Variants in ODAD2 observed in about 807,000 individuals in gnomAD.
ODAD2 encodes the protein outer dynein arm-docking complex subunit 2.
ODAD2 carries 89 observed loss-of-function variants against 106.8 expected under a neutral mutation model. The observed-to-expected ratio is 0.83, with a 90% CI of 0.70 to 0.99. ODAD2 has a LOEUF of 0.99. Among genes scored for constraint, ODAD2 ranks in the 50% least tolerant of loss-of-function variants. ODAD2 has a pLI of 0.00. For missense variants in ODAD2, 1,168 were observed against 1,238.5 expected, an observed-to-expected ratio of 0.94 and a Z score of 0.85; for synonymous variants, 404 against 436.2, an observed-to-expected ratio of 0.93 and a Z score of 0.92.
intron 17 of ODAD2, among the ~76,000 whole-genome samples, chr10:27,881,840 T>C (rs1841729602): frequency 6.6e-6 from 1 of 152,096 alleles, no homozygotes; most frequent in Non-Finnish European, 1.5e-5. Flanking sequence ...TCAGCCCTGG[T>C]TTCACATTAT....
At chr10:27,872,553 T>A (rs1021731928) in intron 17 of ODAD2, among the ~76,000 whole-genome samples, 1 of 152,060 alleles carries the variant, frequency 6.6e-6, no homozygotes, top group Non-Finnish European at 1.5e-5. Flanking sequence ...TTATTGAGAG[T>A]TTTTAGCATG....
intron 9 of ODAD2, among the ~76,000 whole-genome samples, chr10:27,962,873 C>T (rs1848231787): frequency 6.6e-6 from 1 of 152,092 alleles, no homozygotes; most frequent in African/African-American, 2.4e-5. Context: ...GTGCTGAACC[C>T]AGGATATTTA....
intron 16 of ODAD2, among the ~76,000 whole-genome samples, chr10:27,918,370 A>G (rs561238097): frequency 6.6e-6 from 1 of 152,086 alleles, no homozygotes; most frequent in South Asian, 2.1e-4. Context: ...CATCCTTCCA[A>G]AACAAATCAT....
In ODAD2 at chr10:27,987,816, C is replaced by CA. The variant is rs1314856150; in HGVS notation, c.225-274dup. 2.6e-4 allele frequency among the ~76,000 whole-genome samples: 39 copies of CA among 150,740 alleles called. No homozygotes were observed. The East Asian group carries it at 6.8e-3, about 26-fold the overall frequency. On this transcript the variant is annotated intron_variant, in intron 2 of 19. Coordinates refer to ENST00000305242, the MANE Select transcript of ODAD2 (RefSeq NM_018076.5). ...AATTTCTTGAATTCACAATTGAACT[C>CA]AAATAGTCACAGTTTTTGTTTTTGT... is the stretch of plus-strand genomic sequence containing the variant.
chr10:27,987,069 C>G (rs1265986042), intron 3 of ODAD2, among the ~76,000 whole-genome samples: 1 of 152,258 alleles, frequency 6.6e-6, no homozygotes, highest in Non-Finnish European at 1.5e-5. Context: ...ACTGACCTAA[C>G]AGGCTACAGC....
At chr10:27,957,181 C>T (rs2132784704) in intron 10 of ODAD2, 1 of 152,230 alleles carries the variant, frequency 6.6e-6, no homozygotes, top group Middle Eastern at 3.4e-3. Context: ...CAGCAATCAA[C>T]TAGTATGTCT....
intron 7 of ODAD2, among the ~76,000 whole-genome samples, chr10:27,980,404 C>T (rs531866271): frequency 8.6e-4 from 131 of 152,098 alleles, no homozygotes; most frequent in African/African-American, 3.0e-3. Flanking sequence ...AGGCAACCTG[C>T]AGAACAAGAG....
intron 16 of ODAD2, among the ~76,000 whole-genome samples, chr10:27,914,749 A>G (rs1238228617): frequency 1.3e-5 from 2 of 152,070 alleles, no homozygotes; most frequent in Non-Finnish European, 2.9e-5. Context: ...ATATGTATAT[A>G]AAATGGAAAT....
At chr10:27,953,826 T>C (rs1055530236) in intron 10 of ODAD2, among the ~76,000 whole-genome samples, 92 of 152,272 alleles carry the variant, frequency 6.0e-4, no homozygotes, top group African/African-American at 2.1e-3. Context: ...TATTTAAAGA[T>C]TTTAAACACA....
In ODAD2 at chr10:27,894,042, G is replaced by A. The variant is rs1166896119; in HGVS notation, c.2610+13621C>T. On this transcript the variant is annotated intron_variant, in intron 17 of 19. Coordinates refer to ENST00000305242, the MANE Select transcript of ODAD2 (RefSeq NM_018076.5). The stretch of plus-strand genomic sequence containing the variant: ...GGCCTGGAGTCCTAACTACTCTGGA[G>A]GCTGAGGCAGCAGGATTGCTTGAGC... Among the ~76,000 whole-genome samples, 3 of 152,192 alleles carry A rather than the reference G, an allele frequency of 2.0e-5. No individual in the cohort carries two copies. The East Asian group carries it at 5.8e-4, about 29-fold the overall frequency.
At chr10:27,958,774 G>T (rs1847904258) in intron 10 of ODAD2, 6 of 1,089,720 alleles carry the variant, frequency 5.5e-6, no homozygotes, top group East Asian at 1.2e-4. Flanking sequence ...TAATATAAGA[G>T]AACTTTTATT....
rs781782128 is a variant in ODAD2 at position 27,862,552 on chromosome 10, T to C, written c.2681A>G (p.Asn894Ser). ...ELIVNLLKSD[N>S]KEVLASVCAA... The stretch of plus-strand genomic sequence containing the variant: ...ACATACACTTGCCAGAACTTCTTTG[T>C]TATCTGATTTCAGTAAATTGACAAT... Residue 894 changes from asparagine (N) to serine (S), a missense_variant, in exon 18 of 20, where the codon AAC becomes AGC. Around this residue, in one of 3 missense-constraint regions of ODAD2, gnomAD observed 701 missense variants for 712.3 expected, o/e 0.98. Coordinates refer to ENST00000305242, the MANE Select transcript of ODAD2 (RefSeq NM_018076.5). 6.2e-7 allele frequency: 1 copy of C among 1,611,194 alleles called. No homozygotes were observed. The highest frequency in any genetic ancestry group is 1.1e-5 in the South Asian group (1 of 90,488).
intron 7 of ODAD2, among the ~76,000 whole-genome samples, chr10:27,975,543 A>C (rs1474477880): frequency 6.6e-6 from 1 of 152,158 alleles, no homozygotes; most frequent in Non-Finnish European, 1.5e-5. Flanking sequence ...CAAATGAACA[A>C]ATTCCTTTAA....
At chr10:27,828,588 T>C (rs896233139) in intron 19 of ODAD2, among the ~76,000 whole-genome samples, 1 of 152,178 alleles carries the variant, frequency 6.6e-6, no homozygotes, top group African/African-American at 2.4e-5. Flanking sequence ...ATCTGAGTAA[T>C]ATCCCTACTT....
At position 27,936,876 on chromosome 10, in the gene ODAD2, G is replaced by A. The variant is rs758676572; in HGVS notation, c.2102C>T (p.Ala701Val). 1 of 1,600,210 alleles carries A rather than the reference G, an allele frequency of 6.2e-7. No individual in the cohort carries two copies. The highest frequency in any genetic ancestry group is 1.8e-5 in the Admixed American group (1 of 56,668). The change falls in exon 15 of 20, where the codon GCT (alanine) becomes GTT (valine). Residue 701 changes from alanine to valine, a missense_variant. Around this residue, in one of 3 missense-constraint regions of ODAD2, gnomAD observed 701 missense variants for 712.3 expected, o/e 0.98. Coordinates refer to ENST00000305242, the MANE Select transcript of ODAD2 (RefSeq NM_018076.5). Reference sequence around the variant, plus strand: ...GAGGTCCCGGGTTTCCTTATCTTCAGCACACTGCACGAAAAGTCAGACAGA... The same window carrying A: ...GAGGTCCCGGGTTTCCTTATCTTCAACACACTGCACGAAAAGTCAGACAGA... ...EHCAMAIYQC[A>V]EDKETRDLVR... is the part of the protein sequence containing the mutation.
At position 27,968,988 on chromosome 10, in the gene ODAD2, G is replaced by A. The variant is rs1848653176; in HGVS notation, c.1173C>T (p.Asp391=). ...GKGSAKEIQE[D]KHTGKLEKPR... ...GTTTTTCAAGTTTTCCTGTGTGTTT[G>A]TCCTCTTGGATTTCTTTTGCTGAGC... Residue 391 remains aspartate, a synonymous_variant, in exon 9 of 20, where the codon GAC becomes GAT. Transcript: ENST00000305242. The A allele has an allele frequency of 1.6e-6, 1 of 638,880 alleles. No homozygotes were observed. The highest frequency in any genetic ancestry group is 2.8e-5 in the East Asian group (1 of 36,322). 39.6% of individuals were successfully genotyped at this position (638,880 alleles called of 1,614,324 possible).
chr10:27,948,186 A>C (rs543357386), intron 10 of ODAD2, among the ~76,000 whole-genome samples: 5 of 152,208 alleles, frequency 3.3e-5, no homozygotes, highest in African/African-American at 1.2e-4. Flanking sequence ...TATAGAAAAA[A>C]ATTCTGTAAA....
rs767343695 is a variant in ODAD2 at position 27,940,808 on chromosome 10, A to G, written c.1744-3T>C. ...TGTGCACAGTCTAGTAGAGCAACCT[A>G]TAATAATAGATAAATCCAATGTTCA... is the stretch of plus-strand genomic sequence containing the variant. On this transcript the variant is annotated splice_region_variant and splice_polypyrimidine_tract_variant and intron_variant, in intron 12 of 19. Transcript: ENST00000305242. 5 of 1,610,060 alleles carry G rather than the reference A, an allele frequency of 3.1e-6. No homozygotes were observed. In the Admixed American group the frequency reaches 8.4e-5, roughly 27 times the overall value.
chr10:27,877,755 G>A (rs1411428764), intron 17 of ODAD2, among the ~76,000 whole-genome samples: 22 of 152,062 alleles, frequency 1.4e-4, no homozygotes, highest in Admixed American at 1.4e-3. Flanking sequence ...TATTGGTTAT[G>A]CACAATTCAA....
Sources: allele counts gnomAD v4.1 joint callset (sites outside exome capture counted in the v4.1 genomes callset), GRCh38; gene constraint gnomAD v4.1.1; regional missense constraint gnomAD v4.1.1; transcripts MANE v1.5; gene names NCBI Gene and HGNC (gene_info 2026-07-23, HGNC 2026-07-21).